The following ITGB4 variants were observed in gnomAD, a reference collection of about 807,000 sequenced individuals.
ITGB4 encodes the protein integrin subunit beta 4.
ITGB4 carries 159 observed loss-of-function variants against 207.6 expected under a neutral mutation model. The observed-to-expected ratio is 0.77, with a 90% CI of 0.67 to 0.87. The LOEUF is 0.87. ITGB4 is among the 40% of genes least tolerant of loss of function. The pLI, the probability that ITGB4 is intolerant of heterozygous loss-of-function variation, is 0.00. For missense variants in ITGB4, 2,278 were observed against 2,546.8 expected (o/e 0.89, Z 2.27); for synonymous variants, 1,020 against 1,062.7 (o/e 0.96, Z 0.78).
At chr17:75,746,479 C>T (rs1168862751) in intron 26 of ITGB4, 1 of 151,748 alleles carries the variant, frequency 6.6e-6, no homozygotes, top group Non-Finnish European at 1.5e-5. Context: ...GATCCGCCCA[C>T]CTCAGCCTCC....
At chr17:75,725,274 G>A (rs182337370) in intron 2 of ITGB4, among the ~76,000 whole-genome samples, 3 of 152,298 alleles carry the variant, frequency 2.0e-5, no homozygotes, top group East Asian at 1.9e-4. Flanking sequence ...AACGCTACAC[G>A]TCAAGCACCA....
In ITGB4 at chr17:75,722,424, T is replaced by G. The variant is rs2060632899; in HGVS notation, c.-11+812T>G. 6.6e-6 allele frequency among the ~76,000 whole-genome samples: 1 copy of G among 151,984 alleles called. No homozygotes were observed. The highest frequency in any genetic ancestry group is 1.5e-5 in the Non-Finnish European group (1 of 67,974). ...CCTGAGGACAAGGACCAGGCACAGG[T>G]GGCATGGTTGTTGCTGTCCGAAACA... On this transcript the variant is annotated intron_variant, in intron 1 of 39. Coordinates refer to ENST00000200181, the MANE Select transcript of ITGB4 (RefSeq NM_000213.5). This position sits in a 1 kb window ranked among gnomAD's most constrained non-coding sequence, Gnocchi z 6.2.
chr17:75,740,462 G>A lies in ITGB4; in HGVS notation c.2550+1G>A, dbSNP rs545619665. 6 of 1,611,976 alleles carry A rather than the reference G, an allele frequency of 3.7e-6. No individual in the cohort carries two copies. Among genetic ancestry groups the A allele is most frequent in the South Asian group, 2.2e-5 (2 of 90,958 alleles). On this transcript the variant is annotated splice_donor_variant, in intron 21 of 39. Transcript: ENST00000200181. LOFTEE classifies it high-confidence loss of function. The surrounding 1 kb of genome is among the most constrained non-coding windows in gnomAD (Gnocchi z 5.9). ...GCTGCGCCAGGAGGTGGAGGAGAACGTAAGGACCCAGGAACTAGGCCTGGC... is the reference window on the plus strand; with the variant it reads ...GCTGCGCCAGGAGGTGGAGGAGAACATAAGGACCCAGGAACTAGGCCTGGC...
intron 17 of ITGB4, 27 bp from the exon 18 acceptor site, chr17:75,737,511 C>A (rs373637299): frequency 1.3e-6 from 2 of 1,555,792 alleles, no homozygotes; most frequent in South Asian, 2.4e-5. Flanking sequence ...GGACAGGCAC[C>A]ACCTCCCCCT....
At chr17:75,755,648 C>T in intron 34 of ITGB4, 53 bp from the exon 35 acceptor site, 3 of 1,608,706 alleles carry the variant, frequency 1.9e-6, no homozygotes, top group East Asian at 2.2e-5. Flanking sequence ...CTGTGACTCC[C>T]ACTGAGACCC....
Position 75,737,523 on chromosome 17 carries a change from C to T in ITGB4, c.2114-15C>T. 2 of 1,561,650 alleles carry T rather than the reference C, an allele frequency of 1.3e-6. No homozygotes were observed. Among genetic ancestry groups the T allele is most frequent in the Non-Finnish European group, 1.7e-6 (2 of 1,153,360 alleles). On this transcript the variant is annotated splice_polypyrimidine_tract_variant and intron_variant, in intron 17 of 39. Transcript: ENST00000200181. ...GGAGGACAGGCACCACCTCCCCCTG[C>T]CTCCTCCTCTCCAGACTGCCCTCCG...
intron 8 of ITGB4, 30 bp downstream of exon 8, chr17:75,730,534 G>A (rs778779616): frequency 6.2e-7 from 1 of 1,612,422 alleles, no homozygotes; most frequent in Non-Finnish European, 8.5e-7. Context: ...CGGGTGGGAG[G>A]TGGTCAAGGT....
At position 75,753,794 on chromosome 17, in the gene ITGB4, G is replaced by T. The variant is rs774572037; in HGVS notation, c.4138G>T (p.Gly1380Trp). Reference sequence around the variant, plus strand: ...CGGCTGGAAGTTCGAGCCCCTGCTGGGGGAGGAGCTGGACCTGCGGCGCGT... The same window carrying T: ...CGGCTGGAAGTTCGAGCCCCTGCTGTGGGAGGAGCTGGACCTGCGGCGCGT... ...GCGWKFEPLL[G>W]EELDLRRVTW... The change falls in exon 33 of 40, where the codon GGG becomes TGG. Residue 1380 changes from glycine (G) to tryptophan (W), a missense_variant. Transcript: ENST00000200181. 3 of 1,460,068 alleles carry T rather than the reference G, an allele frequency of 2.1e-6. No individual in the cohort carries two copies. In the South Asian group the frequency reaches 4.2e-5, roughly 21 times the overall value. 90.4% of individuals were successfully genotyped at this position (1,460,068 alleles called of 1,614,324 possible). A position where few individuals can be genotyped will look rare whatever the true frequency, so the allele number is the denominator to read the frequency against.
At chr17:75,728,226 AACAG>A in intron 5 of ITGB4, 147 bp from the exon 6 acceptor site, 4 of 696,856 alleles carry the variant, frequency 5.7e-6, no homozygotes, top group Middle Eastern at 2.9e-4. Context: ...CATAAATAGG[AACAG>A]ACAATGTTGT....
Position 75,729,175 on chromosome 17 carries a change from A to AATT in ITGB4, c.567-90_567-89insATT. 8.0e-7 allele frequency: 1 copy of AATT among 1,249,006 alleles called. No individual in the cohort carries two copies. The highest frequency in any genetic ancestry group is 1.1e-6 in the Non-Finnish European group (1 of 901,916). 77.4% of individuals were successfully genotyped at this position (1,249,006 alleles called of 1,614,324 possible). A position where few individuals can be genotyped will look rare whatever the true frequency, so the allele number is the denominator to read the frequency against. On this transcript the variant is annotated intron_variant, in intron 6 of 39. Coordinates refer to ENST00000200181, the MANE Select transcript of ITGB4 (RefSeq NM_000213.5). The surrounding 1 kb of genome is among the most constrained non-coding windows in gnomAD (Gnocchi z 4.4). ...CTTGGTCTCAAAAAAAAAAAAAAAA[A>AATT]TTCTCCTTCTAGTTGAAACGAGCCA...
At position 75,755,819 on chromosome 17, in the gene ITGB4, C is replaced by A; in HGVS notation, c.4677C>A (p.Gly1559=). 6.2e-7 allele frequency: 1 copy of A among 1,608,080 alleles called. No homozygotes were observed. Among genetic ancestry groups the A allele is most frequent in the South Asian group, 1.1e-5 (1 of 90,994 alleles). ...QEPRCERPLQ[G]YSVEYQLLNG... ...CGCGGTGCGAGCGGCCGCTGCAGGG[C>A]TACAGTGTGGAGTACCAGCTGCTGA... is the stretch of plus-strand genomic sequence containing the variant. The change falls in exon 35 of 40, where the codon GGC becomes GGA. Residue 1559 remains glycine, a synonymous_variant. Transcript: ENST00000200181.
chr17:75,744,528 C>A (rs2061192619), intron 26 of ITGB4, among the ~76,000 whole-genome samples: 1 of 152,160 alleles, frequency 6.6e-6, no homozygotes, highest in Admixed American at 6.5e-5. Flanking sequence ...AGATAAACTC[C>A]CCCTATATGC....
intron 13 of ITGB4, among the ~76,000 whole-genome samples, chr17:75,735,390 A>G (rs1238188459): frequency 6.9e-6 from 1 of 144,882 alleles, no homozygotes; most frequent in Non-Finnish European, 1.5e-5. Context: ...CCCGGCTGAC[A>G]GTTTTATTTC....
chr17:75,755,145 C>T, intron 34 of ITGB4: 1 of 1,611,886 alleles, frequency 6.2e-7, no homozygotes, highest in Non-Finnish European at 8.5e-7. Flanking sequence ...AAAGGGTTCC[C>T]CCCTTCCAGG....
intron 12 of ITGB4, among the ~76,000 whole-genome samples, chr17:75,733,005 C>T (rs1185462305): frequency 6.6e-6 from 1 of 151,844 alleles, no homozygotes; most frequent in Non-Finnish European, 1.5e-5. Flanking sequence ...GAATTGCTTG[C>T]ACCTAGAAGG....
In ITGB4 at chr17:75,737,582, C is replaced by T. The variant is rs760780962; in HGVS notation, c.2158C>T (p.Leu720Phe). ...SFWWLIPLLL[L>F]LLPLLALLLL... ...CTGGTGGCTCATCCCCCTGCTCCTC[C>T]TCCTCCTGCCGCTCCTGGCCCTGCT... The change falls in exon 18 of 40, where the codon CTC becomes TTC. Residue 720 changes from leucine to phenylalanine, a missense_variant. Transcript: ENST00000200181. The T allele has an allele frequency of 6.2e-7, 1 of 1,607,636 alleles. No individual in the cohort carries two copies. The highest frequency in any genetic ancestry group is 1.1e-5 in the South Asian group (1 of 90,160).
chr17:75,725,525 G>T (rs933323310), intron 2 of ITGB4, among the ~76,000 whole-genome samples: 4 of 152,038 alleles, frequency 2.6e-5, no homozygotes, highest in African/African-American at 4.8e-5. Flanking sequence ...TGTTACCCAG[G>T]CTGGTCTCAA....
rs766028777 is a variant in ITGB4, at chr17:75,727,388, C to T, written c.163-16C>T. 2.5e-6 allele frequency: 4 copies of T among 1,613,860 alleles called. No homozygotes were observed. The highest frequency in any genetic ancestry group is 1.3e-5 in the African/African-American group (1 of 74,938). On this transcript the variant is annotated splice_polypyrimidine_tract_variant and intron_variant, in intron 3 of 39. Transcript: ENST00000200181. This position sits in a 1 kb window ranked among gnomAD's most constrained non-coding sequence, Gnocchi z 6.0. Reference sequence around the variant, plus strand: ...AATGGGTGCTGCCCCCAGTGACCCCCTGTCCTTCTGGCCAGATGTTCAGGG... The same window carrying T: ...AATGGGTGCTGCCCCCAGTGACCCCTTGTCCTTCTGGCCAGATGTTCAGGG...
intron 5 of ITGB4, 78 bp from the exon 6 acceptor site, chr17:75,728,299 C>A: frequency 1.7e-6 from 2 of 1,210,818 alleles, no homozygotes; most frequent in Non-Finnish European, 2.5e-6. Flanking sequence ...CCCTTCTGAG[C>A]CAGCCCTTGG....
Sources: gnomAD v4.1 joint callset for allele counts (sites outside exome capture counted in the v4.1 genomes callset) on GRCh38, gnomAD v4.1.1 for gene constraint, Gnocchi (gnomAD v3.1) non-coding constraint, MANE v1.5 for transcripts, NCBI Gene and HGNC (gene_info 2026-07-23, HGNC 2026-07-21) for gene names.